Variants in GLI2 observed in about 807,000 individuals in gnomAD.
GLI2 encodes transcription activator GLI2.
In GLI2, 22 loss-of-function variants were observed where a neutral mutation model predicts 78.9. That is an observed-to-expected ratio of 0.28 (90% CI 0.20 to 0.40). The LOEUF (loss-of-function observed/expected upper bound fraction) is 0.40. Among genes scored for constraint, GLI2 ranks in the 10% least tolerant of loss-of-function variants. The pLI, the probability that GLI2 is intolerant of heterozygous loss-of-function variation, is 1.00. For synonymous variants in GLI2, 974 were observed against 963.7 expected, an observed-to-expected ratio of 1.01 and a Z score of -0.20; for missense variants, 2,097 against 2,213.2, an observed-to-expected ratio of 0.95 and a Z score of 1.05.
chr2:120,865,476 G>A (rs530955541), intron 2 of GLI2, among the ~76,000 whole-genome samples: 1 of 152,284 alleles, frequency 6.6e-6, no homozygotes, highest in African/African-American at 2.4e-5. Context: ...GTTCTCCCCC[G>A]AGGCTGAGGA....
At chr2:120,939,850 C>G (rs1680371139) in intron 3 of GLI2, among the ~76,000 whole-genome samples, 1 of 152,210 alleles carries the variant, frequency 6.6e-6, no homozygotes, top group South Asian at 2.1e-4. Flanking sequence ...CCAGACTTCG[C>G]CCGCTGGTTT....
chr2:120,786,703 C>A lies in GLI2; in HGVS notation c.-30-10588C>A, dbSNP rs146319985. Reference sequence around the variant, plus strand: ...GGAAGGAAGGCATTCTTATGCAGTGCTGGCAAACACTGCCCATGGCAGACA... The same window carrying A: ...GGAAGGAAGGCATTCTTATGCAGTGATGGCAAACACTGCCCATGGCAGACA... On this transcript the variant is annotated intron_variant, in intron 1 of 13. Coordinates refer to ENST00000361492, the MANE Select transcript of GLI2 (RefSeq NM_001374353.1). Among the ~76,000 whole-genome samples, 97 of 152,178 alleles carry A rather than the reference C, an allele frequency of 6.4e-4. 1 individual carries two copies. The highest frequency in any genetic ancestry group is 2.2e-3 in the African/African-American group (91 of 41,564).
At chr2:120,846,944 G>A (rs761245213) in intron 2 of GLI2, among the ~76,000 whole-genome samples, 3 of 152,168 alleles carry the variant, frequency 2.0e-5, no homozygotes, top group Non-Finnish European at 4.4e-5. Flanking sequence ...AGCAAGCATG[G>A]GTTTTAGCTG....
chr2:120,831,639 G>A (rs1686365459), intron 2 of GLI2, among the ~76,000 whole-genome samples: 1 of 152,158 alleles, frequency 6.6e-6, no homozygotes, highest in Non-Finnish European at 1.5e-5. Context: ...GGGAGCTTTG[G>A]GTGTGCTCTC....
chr2:120,850,383 C>T (rs115775522), intron 2 of GLI2, among the ~76,000 whole-genome samples: 1 of 152,082 alleles, frequency 6.6e-6, no homozygotes, highest in Non-Finnish European at 1.5e-5. Context: ...ACTACCCTTC[C>T]GATCAACAGC....
intron 2 of GLI2, among the ~76,000 whole-genome samples, chr2:120,863,716 C>T (rs946067162): frequency 6.6e-6 from 1 of 152,076 alleles, no homozygotes; most frequent in South Asian, 2.1e-4. Context: ...TATAATATGT[C>T]GACCTTTGAG....
intron 1 of GLI2, among the ~76,000 whole-genome samples, chr2:120,757,554 G>A (rs1224549917): frequency 2.6e-5 from 4 of 152,216 alleles, no homozygotes. Flanking sequence ...CCTCTCAGCT[G>A]GATCTTTTCC....
chr2:120,773,735 C>T (rs559903349), intron 1 of GLI2, among the ~76,000 whole-genome samples: 38 of 152,218 alleles, frequency 2.5e-4, no homozygotes, highest in Admixed American at 1.3e-3. Context: ...GCAGGCAGCA[C>T]GGCCTTGGGG....
At chr2:120,819,052 T>A (rs929445463) in intron 2 of GLI2, among the ~76,000 whole-genome samples, 4 of 152,132 alleles carry the variant, frequency 2.6e-5, no homozygotes, top group Admixed American at 1.3e-4. Context: ...TATCATACAC[T>A]CTTAGTGCAA....
rs142346403 is a variant in GLI2, at chr2:120,916,361, C to T, written c.149-11000C>T. On this transcript the variant is annotated intron_variant, in intron 2 of 13. Transcript: ENST00000361492. ...GGTTCAGTGCCAGGGCACAATTGGG[C>T]ATCCTGGGCTCACTGTCCGCACTGC... 4.8e-3 allele frequency among the ~76,000 whole-genome samples: 725 copies of T among 152,368 alleles called. 4 individuals carry two copies. Among genetic ancestry groups the T allele is most frequent in the Non-Finnish European group, 7.3e-3 (498 of 68,034 alleles).
intron 1 of GLI2, among the ~76,000 whole-genome samples, chr2:120,768,196 G>A (rs956414150): frequency 8.5e-5 from 13 of 152,202 alleles, no homozygotes; most frequent in Non-Finnish European, 1.6e-4. Context: ...ACCCGGCGTC[G>A]GCTGCCAGGC....
intron 2 of GLI2, among the ~76,000 whole-genome samples, chr2:120,816,570 T>TA (rs1468258733): frequency 6.6e-6 from 1 of 152,148 alleles, no homozygotes; most frequent in African/African-American, 2.4e-5. Flanking sequence ...GAGAACTATT[T>TA]AAAATATTTT....
intron 1 of GLI2, among the ~76,000 whole-genome samples, chr2:120,740,632 G>GA (rs1283008107): frequency 6.6e-6 from 1 of 152,188 alleles, no homozygotes; most frequent in Admixed American, 6.5e-5. Context: ...ATCTGCCTCT[G>GA]AAATCTGTGA....
intron 3 of GLI2, among the ~76,000 whole-genome samples, chr2:120,929,996 C>T (rs1466171823): frequency 6.6e-6 from 1 of 152,216 alleles, no homozygotes; most frequent in Non-Finnish European, 1.5e-5. Context: ...TGATTTCTTG[C>T]TCATGAGTCA....
intron 1 of GLI2, among the ~76,000 whole-genome samples, chr2:120,779,653 C>T (rs913726781): frequency 1.3e-5 from 2 of 152,248 alleles, no homozygotes; most frequent in African/African-American, 2.4e-5. Flanking sequence ...TTTCTCTGTG[C>T]TAGGCATGCC....
intron 2 of GLI2, among the ~76,000 whole-genome samples, chr2:120,824,193 A>G (rs1454300838): frequency 1.3e-5 from 2 of 152,214 alleles, no homozygotes; most frequent in Non-Finnish European, 2.9e-5. Flanking sequence ...CTTACCCCAC[A>G]TCACGTAGCT....
intron 1 of GLI2, among the ~76,000 whole-genome samples, chr2:120,777,939 G>A (rs924257096): frequency 6.6e-6 from 1 of 152,106 alleles, no homozygotes; most frequent in Non-Finnish European, 1.5e-5. Flanking sequence ...GAGACTCACT[G>A]GGGGTACAGA....
intron 2 of GLI2, among the ~76,000 whole-genome samples, chr2:120,907,837 C>T (rs781075497): frequency 4.6e-5 from 7 of 152,344 alleles, no homozygotes; most frequent in South Asian, 4.1e-4. Flanking sequence ...CAACCGTGCC[C>T]GCAGGGGAAC....
At chr2:120,849,274 G>A (rs1687281388) in intron 2 of GLI2, among the ~76,000 whole-genome samples, 1 of 152,280 alleles carries the variant, frequency 6.6e-6, no homozygotes, top group East Asian at 1.9e-4. Context: ...GAATGTATTT[G>A]ATGCCACTGA....
Sources: allele counts gnomAD v4.1 joint callset (sites outside exome capture counted in the v4.1 genomes callset), GRCh38; gene constraint gnomAD v4.1.1; transcripts MANE v1.5; gene names NCBI Gene and HGNC (gene_info 2026-07-23, HGNC 2026-07-21).